The following PPP6C variants were observed in gnomAD, a reference collection of about 807,000 sequenced individuals.
PPP6C encodes the protein protein phosphatase 6 catalytic subunit.
PPP6C carries 11 observed loss-of-function variants against 39.8 expected under a neutral mutation model. That is an observed-to-expected ratio of 0.28 (90% CI 0.17 to 0.46). The LOEUF is 0.46. PPP6C is among the 20% of genes least tolerant of loss of function. The probability of loss-of-function intolerance (pLI) is 1.00; values close to 1 mark genes in which losing one functional copy is unlikely to be tolerated. For synonymous variants in PPP6C, 129 were observed against 130.3 expected (o/e 0.99, Z 0.07); for missense variants, 211 against 373.9 (o/e 0.56, Z 3.59).
At chr9:125,187,640 T>C (rs997153083) in intron 1 of PPP6C, among the ~76,000 whole-genome samples, 11 of 151,964 alleles carry the variant, frequency 7.2e-5, no homozygotes, top group Non-Finnish European at 1.0e-4. Context: ...GCTTTATGCA[T>C]GATAAATAAG....
At chr9:125,179,875 C>T (rs1203024896) in intron 1 of PPP6C, among the ~76,000 whole-genome samples, 2 of 151,996 alleles carry the variant, frequency 1.3e-5, no homozygotes, top group Non-Finnish European at 2.9e-5. Flanking sequence ...AGGCTGGTCT[C>T]GAGCTCCTGA....
chr9:125,149,324 A>T lies in PPP6C; in HGVS notation c.*349T>A, dbSNP rs1189554223. On this transcript the variant is annotated 3_prime_UTR_variant, in exon 7 of 7. Transcript: ENST00000373547. ...GGCTGAATGATACAAAAGGAGGAGT[A>T]TTTAGGTGTAATCTGTCAATTGGCT... The T allele has an allele frequency of 4.9e-5, 9 of 183,114 alleles. No individual in the cohort carries two copies. The highest frequency in any genetic ancestry group is 9.1e-5 in the Non-Finnish European group (8 of 87,936). 11.3% of individuals were successfully genotyped at this position (183,114 alleles called of 1,614,324 possible). A position where few individuals can be genotyped will look rare whatever the true frequency, so the allele number is the denominator to read the frequency against.
intron 2 of PPP6C, among the ~76,000 whole-genome samples, chr9:125,166,535 C>CTTTTTTT (rs1169190980): frequency 9.7e-5 from 13 of 134,424 alleles, no homozygotes; most frequent in Admixed American, 1.5e-4. Flanking sequence ...TTTTCTTTTT[C>CTTTTTTT]TTTTTTTTTT....
In PPP6C at chr9:125,153,887, T is replaced by G. The variant is rs1377463585; in HGVS notation, c.459+19A>C. On this transcript the variant is annotated intron_variant, in intron 5 of 6. Coordinates refer to ENST00000373547, the MANE Select transcript of PPP6C (RefSeq NM_002721.5). ...TTATTGGCAGGAACGTACATGAGAC[T>G]TTAAAAATAGAAACTTACAGCTGCT... is the stretch of plus-strand genomic sequence containing the variant. The G allele has an allele frequency of 6.3e-7, 1 of 1,581,754 alleles. No individual in the cohort carries two copies. Among genetic ancestry groups the G allele is most frequent in the South Asian group, 1.1e-5 (1 of 89,684 alleles).
At position 125,186,776 on chromosome 9, in the gene PPP6C, A is replaced by T. The variant is rs1367580324; in HGVS notation, c.75+2868T>A. Among the ~76,000 whole-genome samples, 6 of 151,604 alleles carry T rather than the reference A, an allele frequency of 4.0e-5. 1 individual carries two copies. Among genetic ancestry groups the T allele is most frequent in the African/African-American group, 1.5e-4 (6 of 41,074 alleles). On this transcript the variant is annotated intron_variant, in intron 1 of 6. Coordinates refer to ENST00000373547, the MANE Select transcript of PPP6C (RefSeq NM_002721.5). ...TCCCCCACCAAAAAAAAGATTAAAA[A>T]TTTTTTTAAGAAAAAAAAAGAAACA...
At chr9:125,187,222 C>T (rs1242576429) in intron 1 of PPP6C, among the ~76,000 whole-genome samples, 1 of 151,886 alleles carries the variant, frequency 6.6e-6, no homozygotes, top group African/African-American at 2.4e-5. Context: ...GCTGGGATTA[C>T]AGGCGTGAGC....
In PPP6C at chr9:125,172,750, C is replaced by A. The variant is rs10986608; in HGVS notation, c.76-1570G>T. Among the ~76,000 whole-genome samples the A allele has an allele frequency of 9.3e-3, 1,170 of 125,168 alleles. 3 individuals carry two copies. Among genetic ancestry groups the A allele is most frequent in the East Asian group, 0.012 (56 of 4,658 alleles). 82.1% of individuals were successfully genotyped at this position (125,168 alleles called of 152,430 possible). On this transcript the variant is annotated intron_variant, in intron 1 of 6. Transcript: ENST00000373547. Reference sequence around the variant, plus strand: ...ACACACACACACACACACACACACACAAACACACACACACACACACAAACA... The same window carrying A: ...ACACACACACACACACACACACACAAAAACACACACACACACACACAAACA...
chr9:125,177,318 G>A (rs773096366), intron 1 of PPP6C, among the ~76,000 whole-genome samples: 1 of 152,098 alleles, frequency 6.6e-6, no homozygotes, highest in Non-Finnish European at 1.5e-5. Context: ...AACTTGCAGT[G>A]AGCAGAGATG....
At chr9:125,189,458 G>C in intron 1 of PPP6C, 186 bp downstream of exon 1, 8 of 1,424,790 alleles carry the variant, frequency 5.6e-6, no homozygotes, top group Non-Finnish European at 7.4e-6. Context: ...AGGCAACCGG[G>C]ACAGCATTCG....
rs62580607 is a variant in PPP6C at position 125,156,916 on chromosome 9, A to G, written c.379+1325T>C. ...CAACCTCCACCTCCTGGGTTCAATC[A>G]ATTCTCCCTGCCTCAGTCTCCTGAG... On this transcript the variant is annotated intron_variant, in intron 4 of 6. Transcript: ENST00000373547. 7.0e-3 allele frequency among the ~76,000 whole-genome samples: 1,065 copies of G among 151,974 alleles called. 8 individuals carry two copies. Among genetic ancestry groups the G allele is most frequent in the Middle Eastern group, 0.01 (3 of 290 alleles).
intron 2 of PPP6C, among the ~76,000 whole-genome samples, chr9:125,164,643 C>T (rs1268532107): frequency 6.6e-6 from 1 of 152,114 alleles, no homozygotes; most frequent in Non-Finnish European, 1.5e-5. Flanking sequence ...CACTATATTG[C>T]CCAGGTTGGT....
chr9:125,168,285 T>C (rs752837411), intron 2 of PPP6C, among the ~76,000 whole-genome samples: 6 of 152,166 alleles, frequency 3.9e-5, no homozygotes, highest in Non-Finnish European at 7.4e-5. Context: ...ACAGCTTCAA[T>C]ACTTCTCAGC....
In PPP6C at chr9:125,178,617, C is replaced by G. The variant is rs878855869; in HGVS notation, c.76-7437G>C. Among the ~76,000 whole-genome samples, 6 of 152,118 alleles carry G rather than the reference C, an allele frequency of 3.9e-5. No homozygotes were observed. In the South Asian group the frequency reaches 1.2e-3, roughly 32 times the overall value. On this transcript the variant is annotated intron_variant, in intron 1 of 6. Transcript: ENST00000373547. ...AGGTATTATCTTCAGTGATGTTTAT[C>G]TTTATTCTGGGACTCCAAGTAATAT...
At position 125,153,470 on chromosome 9, in the gene PPP6C, C is replaced by G. The variant is rs555286544; in HGVS notation, c.669+63G>C. ...CTACAAGTTTGTTATCTAGGGCCAC[C>G]ATAGTTCTCTATGCAGCCCATTAGC... On this transcript the variant is annotated intron_variant, in intron 6 of 6. Transcript: ENST00000373547. 4.8e-5 allele frequency: 71 copies of G among 1,479,500 alleles called. No individual in the cohort carries two copies. In the East Asian group the frequency reaches 1.5e-3, roughly 32 times the overall value. 91.6% of individuals were successfully genotyped at this position (1,479,500 alleles called of 1,614,324 possible).
intron 4 of PPP6C, 119 bp downstream of exon 4, chr9:125,158,122 G>T: frequency 9.8e-7 from 1 of 1,021,922 alleles, no homozygotes; most frequent in South Asian, 1.7e-5. Flanking sequence ...TGGGAGGAGT[G>T]AAGGAGTGAG....
In PPP6C at chr9:125,148,631, A is replaced by G. The variant is rs1343502920; in HGVS notation, c.*1042T>C. ...GAACACTTTCTAAAAGTTAAGGTCA[A>G]GTGTTACAGCAAGAGAAGAATGATT... is the stretch of plus-strand genomic sequence containing the variant. On this transcript the variant is annotated 3_prime_UTR_variant, in exon 7 of 7. Coordinates refer to ENST00000373547, the MANE Select transcript of PPP6C (RefSeq NM_002721.5). The G allele has an allele frequency of 6.6e-6, 1 of 152,230 alleles. No homozygotes were observed. The highest frequency in any genetic ancestry group is 2.4e-5 in the African/African-American group (1 of 41,476). The allele number at this position is 152,230 out of a possible 1,614,324, so 9.4% of individuals were successfully genotyped here.
chr9:125,156,470 C>T (rs60621302), intron 4 of PPP6C, among the ~76,000 whole-genome samples: 2,298 of 152,204 alleles, frequency 0.015, 107 homozygotes, highest in Admixed American at 0.082. Context: ...GACGGGGTTT[C>T]ACCATGTTGG....
At chr9:125,150,448 T>C (rs1344889944) in intron 6 of PPP6C, among the ~76,000 whole-genome samples, 1 of 110,280 alleles carries the variant, frequency 9.1e-6, no homozygotes, top group Non-Finnish European at 2.1e-5. Flanking sequence ...GTGTGTGTTT[T>C]AATTGAAAAC....
chr9:125,165,960 C>T (rs990928456), intron 2 of PPP6C, among the ~76,000 whole-genome samples: 1 of 152,008 alleles, frequency 6.6e-6, no homozygotes, highest in East Asian at 1.9e-4. Context: ...CCACACCTGG[C>T]TAATTTTTGT....
Sources: gnomAD v4.1 joint callset for allele counts (sites outside exome capture counted in the v4.1 genomes callset) on GRCh38, gnomAD v4.1.1 for gene constraint, MANE v1.5 for transcripts, NCBI Gene and HGNC (gene_info 2026-07-23, HGNC 2026-07-21) for gene names.